NCAM1: variants seen among roughly 807,000 people sequenced by gnomAD.
NCAM1 encodes antigen recognized by monoclonal antibody 5.1H11.
Under a neutral mutation model 109.8 loss-of-function variants are expected in NCAM1, and 14 were observed. The observed-to-expected ratio is 0.13, with a 90% CI of 0.08 to 0.20. NCAM1 has a LOEUF of 0.20. Among genes scored for constraint, NCAM1 ranks in the 10% least tolerant of loss-of-function variants. The pLI, the probability that NCAM1 is intolerant of heterozygous loss-of-function variation, is 1.00. For missense variants in NCAM1, 774 were observed against 1,109.9 expected, an observed-to-expected ratio of 0.70 and a Z score of 4.30; for synonymous variants, 418 against 442.9, an observed-to-expected ratio of 0.94 and a Z score of 0.70.
intron 1 of NCAM1, among the ~76,000 whole-genome samples, chr11:113,119,928 A>T (rs915439041): frequency 5.9e-5 from 9 of 152,366 alleles, no homozygotes; most frequent in African/African-American, 1.9e-4. Context: ...ATTCATGATG[A>T]CAAAATACTT....
At chr11:113,223,339 CTG>C (rs2137116519) in intron 9 of NCAM1, among the ~76,000 whole-genome samples, 1 of 152,282 alleles carries the variant, frequency 6.6e-6, no homozygotes, top group South Asian at 2.1e-4. Flanking sequence ...ATCATCAAAT[CTG>C]TAGTGAGCCT....
intron 1 of NCAM1, among the ~76,000 whole-genome samples, chr11:113,141,490 T>C (rs1342703411): frequency 3.3e-5 from 5 of 151,958 alleles, no homozygotes; most frequent in African/African-American, 9.7e-5. Context: ...AATAAATGAA[T>C]AAATAAAAAA....
At position 113,199,873 on chromosome 11, in the gene NCAM1, G is replaced by A. The variant is rs530359842; in HGVS notation, c.53-2506G>A. Among the ~76,000 whole-genome samples, 19 of 144,418 alleles carry A rather than the reference G, an allele frequency of 1.3e-4. No homozygotes were observed. The South Asian group carries it at 1.8e-3, about 14-fold the overall frequency. 94.7% of individuals were successfully genotyped at this position (144,418 alleles called of 152,430 possible). On this transcript the variant is annotated intron_variant, in intron 1 of 19. Coordinates refer to ENST00000316851, the MANE Select transcript of NCAM1 (RefSeq NM_181351.5). Reference sequence around the variant, plus strand: ...AACTTCTGTGATGATAAATGTGTGCGTGGGATCCTGTTAAGCAGGGAATTC... The same window carrying A: ...AACTTCTGTGATGATAAATGTGTGCATGGGATCCTGTTAAGCAGGGAATTC...
intron 1 of NCAM1, among the ~76,000 whole-genome samples, chr11:113,137,810 A>T (rs893329719): frequency 4.6e-5 from 7 of 152,206 alleles, no homozygotes; most frequent in Non-Finnish European, 2.9e-5. Context: ...TTTTACATAC[A>T]TATATAGACA....
intron 14 of NCAM1, chr11:113,236,463 T>C (rs1945170695): frequency 2.4e-6 from 2 of 845,990 alleles, no homozygotes; most frequent in Non-Finnish European, 3.9e-6. Context: ...GACCTTAGTC[T>C]AGTTGTGCTG....
At chr11:112,984,776 T>C (rs1370760490) in intron 1 of NCAM1, among the ~76,000 whole-genome samples, 1 of 151,982 alleles carries the variant, frequency 6.6e-6, no homozygotes, top group Non-Finnish European at 1.5e-5. Flanking sequence ...AGTTTGTGTG[T>C]TCCTTATATA....
chr11:113,184,466 C>A lies in NCAM1; in HGVS notation c.53-17913C>A, dbSNP rs558077086. 4.6e-5 allele frequency among the ~76,000 whole-genome samples: 7 copies of A among 152,316 alleles called. No homozygotes were observed. In the East Asian group the frequency reaches 1.3e-3, roughly 29 times the overall value. ...AACTACCATTTTGAAGATACAATAG[C>A]AGTAATTCATCTTGTTTTATGATTT... On this transcript the variant is annotated intron_variant, in intron 1 of 19. Transcript: ENST00000316851.
chr11:113,000,040 C>T (rs984616130), intron 1 of NCAM1, among the ~76,000 whole-genome samples: 4 of 152,118 alleles, frequency 2.6e-5, no homozygotes, highest in East Asian at 1.9e-4. Context: ...GTTACACAGA[C>T]GAAAGAGTGT....
intron 1 of NCAM1, among the ~76,000 whole-genome samples, chr11:113,086,944 G>T (rs1208371179): frequency 6.6e-6 from 1 of 152,154 alleles, no homozygotes; most frequent in African/African-American, 2.4e-5. Flanking sequence ...GTACTTATAA[G>T]TTGATTGTAC....
chr11:113,073,280 A>G (rs1488992740), intron 1 of NCAM1, among the ~76,000 whole-genome samples: 1 of 152,044 alleles, frequency 6.6e-6, no homozygotes, highest in Non-Finnish European at 1.5e-5. Flanking sequence ...ATATAACTGC[A>G]TCTCTATGGA....
At chr11:113,093,392 T>C (rs2135784758) in intron 1 of NCAM1, among the ~76,000 whole-genome samples, 1 of 152,358 alleles carries the variant, frequency 6.6e-6, no homozygotes, top group African/African-American at 2.4e-5. Context: ...AGAGAAGCTT[T>C]GCTGTTGCAT....
At chr11:113,129,172 T>G (rs1422625511) in intron 1 of NCAM1, among the ~76,000 whole-genome samples, 3 of 152,092 alleles carry the variant, frequency 2.0e-5, no homozygotes, top group African/African-American at 7.2e-5. Context: ...ATTGGAGAAG[T>G]GTAGGGCCAA....
At chr11:113,267,374 G>C (rs1360896241) in intron 17 of NCAM1, among the ~76,000 whole-genome samples, 1 of 151,904 alleles carries the variant, frequency 6.6e-6, no homozygotes, top group Non-Finnish European at 1.5e-5. Context: ...GCAGATAGTA[G>C]TTAGAAGAGA....
At chr11:113,085,379 T>G (rs1276139783) in intron 1 of NCAM1, among the ~76,000 whole-genome samples, 5 of 152,354 alleles carry the variant, frequency 3.3e-5, no homozygotes, top group African/African-American at 1.2e-4. Flanking sequence ...GTGCCTTCCT[T>G]TACCCTGCCT....
chr11:113,035,698 C>G (rs1430967904), intron 1 of NCAM1, among the ~76,000 whole-genome samples: 1 of 152,216 alleles, frequency 6.6e-6, no homozygotes, highest in Non-Finnish European at 1.5e-5. Flanking sequence ...AAATGTAACA[C>G]TACCCCTGCT....
At chr11:113,053,188 G>A (rs1565407289) in intron 1 of NCAM1, among the ~76,000 whole-genome samples, 1 of 152,172 alleles carries the variant, frequency 6.6e-6, no homozygotes, top group Non-Finnish European at 1.5e-5. Context: ...TTAGTTTGCT[G>A]AGGATAATGG....
At chr11:113,093,842 C>T (rs546907941) in intron 1 of NCAM1, among the ~76,000 whole-genome samples, 1 of 152,314 alleles carries the variant, frequency 6.6e-6, no homozygotes, top group Admixed American at 6.5e-5. Flanking sequence ...GAATGGCCTC[C>T]CATCCCTGTG....
At chr11:113,211,649 T>C (rs1033539808) in intron 7 of NCAM1, among the ~76,000 whole-genome samples, 1 of 152,176 alleles carries the variant, frequency 6.6e-6, no homozygotes, top group Non-Finnish European at 1.5e-5. Context: ...AGTTCTCCAG[T>C]GGCCAGGAGC....
intron 1 of NCAM1, among the ~76,000 whole-genome samples, chr11:113,152,000 T>C (rs782457304): frequency 1.2e-4 from 19 of 152,164 alleles, no homozygotes; most frequent in South Asian, 4.1e-4. Flanking sequence ...CATCTCTAAG[T>C]GCATAAAACT....
Sources: allele counts gnomAD v4.1 joint callset (sites outside exome capture counted in the v4.1 genomes callset), GRCh38; gene constraint gnomAD v4.1.1; transcripts MANE v1.5; gene names NCBI Gene and HGNC (gene_info 2026-07-23, HGNC 2026-07-21).